The following CSMD1 variants were observed in gnomAD, a reference collection of about 807,000 sequenced individuals.
The protein encoded by CSMD1 is CUB and Sushi multiple domains 1, also known as CUB and sushi domain-containing protein 1.
In CSMD1, 213 loss-of-function variants were observed where a neutral mutation model predicts 417.5. The ratio of observed to expected loss-of-function variants is 0.51; its 90% confidence interval spans 0.46 to 0.57. The LOEUF (loss-of-function observed/expected upper bound fraction) is 0.57, where lower values mean the gene tolerates loss of function less well. CSMD1 is among the 20% of genes least tolerant of loss of function. The probability of loss-of-function intolerance (pLI) is 0.00; values close to 1 mark genes in which losing one functional copy is unlikely to be tolerated. For missense variants in CSMD1, 6,923 were observed against 4,529.7 expected (o/e 1.53, Z -15.17); for synonymous variants, 2,862 against 1,736.8 (o/e 1.65, Z -16.11).
At chr8:4,776,060 G>T (rs1191220757) in intron 1 of CSMD1, among the ~76,000 whole-genome samples, 1 of 152,046 alleles carries the variant, frequency 6.6e-6, no homozygotes, top group Non-Finnish European at 1.5e-5. Context: ...ATGATTCTAG[G>T]AAATGAGTGT....
At chr8:3,103,748 T>TA (rs200241508) in intron 46 of CSMD1, among the ~76,000 whole-genome samples, 13,306 of 137,312 alleles carry the variant, frequency 0.097, 765 homozygotes, top group Middle Eastern at 0.15. Context: ...CCTTTTTTTT[T>TA]TAAAAAAAAA....
chr8:3,964,849 T>C (rs71521893), intron 5 of CSMD1, among the ~76,000 whole-genome samples: 5,120 of 152,282 alleles, frequency 0.034, 111 homozygotes, highest in East Asian at 0.086. Context: ...CTTAGTGGGG[T>C]TTCCACTTTT....
intron 17 of CSMD1, among the ~76,000 whole-genome samples, chr8:3,391,968 A>G (rs901956853): frequency 1.1e-4 from 16 of 152,118 alleles, no homozygotes; most frequent in African/African-American, 3.9e-4. Context: ...GTCATGGATG[A>G]AGCTGGAAAC....
rs143466545 is a variant in CSMD1 at position 4,801,618 on chromosome 8, A to G, written c.86-164060T>C. On this transcript the variant is annotated intron_variant, in intron 1 of 69. Transcript: ENST00000635120. Reference sequence around the variant, plus strand: ...GTGAGCACCTCTATGCCGCTTTGACACACTCTGGATTCTGAAACCATCTTT... The same window carrying G: ...GTGAGCACCTCTATGCCGCTTTGACGCACTCTGGATTCTGAAACCATCTTT... Among the ~76,000 whole-genome samples the G allele has an allele frequency of 2.4e-4, 37 of 152,010 alleles. 2 individuals carry two copies. In the East Asian group the frequency reaches 7.0e-3, roughly 29 times the overall value.
chr8:4,204,278 C>G (rs937763974), intron 3 of CSMD1, among the ~76,000 whole-genome samples: 9 of 145,108 alleles, frequency 6.2e-5, no homozygotes, highest in African/African-American at 2.3e-4. Context: ...AAAAAAAAAC[C>G]TCAATTTGGA....
chr8:3,886,214 TA>T (rs1344495645), intron 5 of CSMD1, among the ~76,000 whole-genome samples: 1 of 152,110 alleles, frequency 6.6e-6, no homozygotes, highest in East Asian at 1.9e-4. Context: ...CATGCCCAGC[TA>T]ATTTCTGTAT....
intron 25 of CSMD1, among the ~76,000 whole-genome samples, chr8:3,285,278 G>C (rs1353498859): frequency 6.6e-6 from 1 of 152,192 alleles, no homozygotes; most frequent in Non-Finnish European, 1.5e-5. Flanking sequence ...GTAAGGTATG[G>C]AATGTGTGGT....
chr8:3,826,144 G>T (rs112417766), intron 5 of CSMD1, among the ~76,000 whole-genome samples: 5,001 of 152,158 alleles, frequency 0.033, 124 homozygotes, highest in South Asian at 0.056. Flanking sequence ...CACTGCGAAT[G>T]AATACATCAA....
At chr8:3,548,695 CA>C (rs1798781874) in intron 10 of CSMD1, among the ~76,000 whole-genome samples, 1 of 150,362 alleles carries the variant, frequency 6.7e-6, no homozygotes, top group East Asian at 2.0e-4. Flanking sequence ...CACACACACA[CA>C]CACACCATGG....
intron 3 of CSMD1, among the ~76,000 whole-genome samples, chr8:4,275,211 CTA>C (rs1470314419): frequency 1.3e-5 from 2 of 151,874 alleles, no homozygotes; most frequent in Non-Finnish European, 2.9e-5. Flanking sequence ...AAATTATTGT[CTA>C]GTTTGTTTTT....
intron 3 of CSMD1, among the ~76,000 whole-genome samples, chr8:4,173,062 T>G (rs146444803): frequency 2.0e-5 from 3 of 152,148 alleles, no homozygotes; most frequent in African/African-American, 7.2e-5. Context: ...TGCCCAGCAA[T>G]AAATAACTTC....
chr8:4,445,957 G>T (rs1154066), intron 2 of CSMD1, among the ~76,000 whole-genome samples: 2 of 152,112 alleles, frequency 1.3e-5, no homozygotes, highest in African/African-American at 4.8e-5. Context: ...TCGGTGTTGA[G>T]GTAGACGAAA....
intron 3 of CSMD1, among the ~76,000 whole-genome samples, chr8:4,071,103 A>G (rs73187989): frequency 0.1 from 15,182 of 152,004 alleles, 956 homozygotes; most frequent in Non-Finnish European, 0.14. Flanking sequence ...CAGTTTACAG[A>G]GACTCTTGAG....
chr8:4,080,714 T>G (rs1800084966), intron 3 of CSMD1, among the ~76,000 whole-genome samples: 2 of 152,212 alleles, frequency 1.3e-5, no homozygotes, highest in South Asian at 4.1e-4. Context: ...ATTCTTTCAT[T>G]TCTGCCATAG....
At chr8:4,173,420 G>C (rs1797872747) in intron 3 of CSMD1, among the ~76,000 whole-genome samples, 1 of 152,124 alleles carries the variant, frequency 6.6e-6, no homozygotes, top group Non-Finnish European at 1.5e-5. Flanking sequence ...GGTGACTACA[G>C]AGGTAAAGGT....
intron 2 of CSMD1, among the ~76,000 whole-genome samples, chr8:4,619,695 T>G (rs1801661616): frequency 6.6e-6 from 1 of 152,166 alleles, no homozygotes; most frequent in Admixed American, 6.6e-5. Context: ...AAAAGACTTT[T>G]GAAGCTATTG....
At chr8:4,727,265 TA>T (rs1487302790) in intron 1 of CSMD1, among the ~76,000 whole-genome samples, 1 of 152,190 alleles carries the variant, frequency 6.6e-6, no homozygotes. Flanking sequence ...TTAAACCAGT[TA>T]ATGTCTACCG....
intron 3 of CSMD1, among the ~76,000 whole-genome samples, chr8:4,223,000 T>C (rs1416687761): frequency 6.6e-6 from 1 of 151,328 alleles, no homozygotes; most frequent in Non-Finnish European, 1.5e-5. Context: ...TTAAAGCAAA[T>C]AAATAGACAA....
At chr8:4,503,467 A>T (rs974737445) in intron 2 of CSMD1, among the ~76,000 whole-genome samples, 13 of 152,220 alleles carry the variant, frequency 8.5e-5, no homozygotes, top group African/African-American at 3.1e-4. Flanking sequence ...TTAGAAAAAG[A>T]TACTTACCTA....
Sources: allele counts gnomAD v4.1 joint callset (sites outside exome capture counted in the v4.1 genomes callset), GRCh38; gene constraint gnomAD v4.1.1; transcripts MANE v1.5; gene names NCBI Gene and HGNC (gene_info 2026-07-23, HGNC 2026-07-21).